The following PTPN3 variants were observed in gnomAD, a reference collection of about 807,000 sequenced individuals.
PTPN3 encodes the protein protein tyrosine phosphatase non-receptor type 3.
PTPN3 carries 96 observed loss-of-function variants against 132.7 expected under a neutral mutation model. That is an observed-to-expected ratio of 0.72 (90% CI 0.61 to 0.86). The LOEUF is 0.86. Among genes scored for constraint, PTPN3 ranks in the 40% least tolerant of loss-of-function variants. The probability of loss-of-function intolerance (pLI) is 0.00; values close to 1 mark genes in which losing one functional copy is unlikely to be tolerated. For missense variants in PTPN3, 1,125 were observed against 1,159.6 expected (o/e 0.97, Z 0.43); for synonymous variants, 398 against 429.0 (o/e 0.93, Z 0.89).
chr9:109,456,411 C>A (rs1344154117), intron 4 of PTPN3, among the ~76,000 whole-genome samples: 1 of 152,166 alleles, frequency 6.6e-6, no homozygotes, highest in African/African-American at 2.4e-5. Context: ...GTCGAGGGAG[C>A]CACCCACAGT....
chr9:109,429,170 C>G, intron 10 of PTPN3: 1 of 495,798 alleles, frequency 2.0e-6, no homozygotes, highest in Non-Finnish European at 2.6e-6. Context: ...TAGGCTGCTA[C>G]TAAGAGCTTT....
chr9:109,426,123 A>C (rs947987746), intron 12 of PTPN3, among the ~76,000 whole-genome samples: 3 of 151,098 alleles, frequency 2.0e-5, no homozygotes, highest in Non-Finnish European at 4.4e-5. Context: ...AAAGAAAACA[A>C]AAATACAAAC....
intron 19 of PTPN3, among the ~76,000 whole-genome samples, chr9:109,401,636 G>A (rs1200120886): frequency 6.6e-6 from 1 of 152,150 alleles, no homozygotes. Context: ...AGCCCACAGC[G>A]CCTCCTTGTG....
At chr9:109,517,708 G>A in the PTPN3 span, among the ~76,000 whole-genome samples, 1 of 152,304 alleles carries the variant, frequency 6.6e-6, no homozygotes, top group South Asian at 2.1e-4. Flanking sequence ...ATAATTTGGG[G>A]AAAGCCTCTG....
In PTPN3 at chr9:109,498,238, G is replaced by C. The variant is rs962423754; in HGVS notation, c.-37C>G. The C allele has an allele frequency of 6.8e-6, 1 of 146,458 alleles. No homozygotes were observed. The highest frequency in any genetic ancestry group is 2.4e-5 in the African/African-American group (1 of 40,846). 9.1% of individuals were successfully genotyped at this position (146,458 alleles called of 1,614,324 possible). On this transcript the variant is annotated 5_prime_UTR_variant, in exon 1 of 26. Coordinates refer to ENST00000374541, the MANE Select transcript of PTPN3 (RefSeq NM_002829.4). This position sits in a 1 kb window ranked among gnomAD's most constrained non-coding sequence, Gnocchi z 4.2. ...CCGTACCTGCAGCATCCGGGGGCGC[G>C]GAGCGCCCAGGTAGGTCGCGCGTGC... is the stretch of plus-strand genomic sequence containing the variant.
At chr9:109,470,077 A>C (rs1295679395) in intron 1 of PTPN3, among the ~76,000 whole-genome samples, 7 of 151,900 alleles carry the variant, frequency 4.6e-5, no homozygotes, top group Non-Finnish European at 2.9e-5. Flanking sequence ...TCTGAGCTCC[A>C]ACAGATGACC....
chr9:109,415,081 T>TCCAA (rs1842386873), intron 14 of PTPN3, among the ~76,000 whole-genome samples: 1 of 57,620 alleles, frequency 1.7e-5, no homozygotes, highest in Non-Finnish European at 4.3e-5. Flanking sequence ...CATCCAACCA[T>TCCAA]CCATCCATCC....
At chr9:109,485,837 G>T (rs996533430) in intron 1 of PTPN3, among the ~76,000 whole-genome samples, 5 of 152,178 alleles carry the variant, frequency 3.3e-5, no homozygotes, top group South Asian at 2.1e-4. Flanking sequence ...ATCCACCCCC[G>T]ACTCCCATAC....
chr9:109,408,420 T>C, intron 16 of PTPN3, 43 bp from the exon 17 acceptor site: 1 of 1,078,136 alleles, frequency 9.3e-7, no homozygotes, highest in Non-Finnish European at 1.3e-6. Flanking sequence ...GTTTTTTAAG[T>C]TAAACAAACA....
At chr9:109,511,999 T>C in the PTPN3 span, among the ~76,000 whole-genome samples, 6 of 152,168 alleles carry the variant, frequency 3.9e-5, no homozygotes, top group African/African-American at 1.4e-4. Context: ...CTTGGGAGTT[T>C]GTTTAAAATA....
chr9:109,452,072 A>T (rs1433805085), intron 5 of PTPN3, among the ~76,000 whole-genome samples: 1 of 152,120 alleles, frequency 6.6e-6, no homozygotes, highest in Non-Finnish European at 1.5e-5. Flanking sequence ...GATCGAGACC[A>T]TCCTGGCCAA....
chr9:109,476,652 T>C (rs1023926469), intron 1 of PTPN3, among the ~76,000 whole-genome samples: 2 of 152,160 alleles, frequency 1.3e-5, no homozygotes, highest in Admixed American at 6.5e-5. Flanking sequence ...TTTGAAGGAA[T>C]AGCCAGACCT....
chr9:109,457,479 A>G, intron 2 of PTPN3, 80 bp from the exon 3 acceptor site: 1 of 1,134,958 alleles, frequency 8.8e-7, no homozygotes. Flanking sequence ...GGCAAAAAAG[A>G]GTTAAAATAT....
At chr9:109,474,412 G>A (rs1846536136) in intron 1 of PTPN3, among the ~76,000 whole-genome samples, 1 of 152,094 alleles carries the variant, frequency 6.6e-6, no homozygotes, top group African/African-American at 2.4e-5. Context: ...CCGTCTCTGC[G>A]CCAGGCCAGG....
At chr9:109,474,460 CAG>C (rs1234145109) in intron 1 of PTPN3, among the ~76,000 whole-genome samples, 2 of 152,236 alleles carry the variant, frequency 1.3e-5, no homozygotes, top group East Asian at 3.9e-4. Context: ...GAGGAAGCCC[CAG>C]GGTGCTGGAG....
intron 5 of PTPN3, chr9:109,450,802 C>T: frequency 6.1e-6 from 6 of 985,458 alleles, no homozygotes; most frequent in Non-Finnish European, 7.2e-6. Flanking sequence ...AATGACCTCT[C>T]TTGTGGGTAC....
rs1838646891 is a variant in PTPN3, at chr9:109,377,369, TAGGCAACACATCAAGATC to T, written c.*2169_*2186del. 1 of 145,530 alleles carries T rather than the reference TAGGCAACACATCAAGATC, an allele frequency of 6.9e-6. No homozygotes were observed. Among genetic ancestry groups the T allele is most frequent in the Non-Finnish European group, 1.5e-5 (1 of 67,780 alleles). 9.0% of individuals were successfully genotyped at this position (145,530 alleles called of 1,614,324 possible). On this transcript the variant is annotated 3_prime_UTR_variant, in exon 26 of 26. Coordinates refer to ENST00000374541, the MANE Select transcript of PTPN3 (RefSeq NM_002829.4). The stretch of plus-strand genomic sequence containing the variant: ...TGAGGCCAGGAGTTTGAGACCAGCC[TAGGCAACACATCAAGATC>T]CTGTCTCTACACACACACACACACA...
At chr9:109,491,680 T>C (rs1588510436) in intron 1 of PTPN3, among the ~76,000 whole-genome samples, 1 of 152,164 alleles carries the variant, frequency 6.6e-6, no homozygotes, top group Non-Finnish European at 1.5e-5. Flanking sequence ...TCTGGTGGCA[T>C]GAACATTTAT....
intron 17 of PTPN3, 120 bp from the exon 18 acceptor site, chr9:109,406,738 CG>C (rs1841601003): frequency 1.6e-6 from 2 of 1,236,434 alleles, no homozygotes; most frequent in South Asian, 2.8e-5. Flanking sequence ...TTCTCTCCCT[CG>C]GGTAGTACTG....
Sources: allele counts gnomAD v4.1 joint callset (sites outside exome capture counted in the v4.1 genomes callset), GRCh38; gene constraint gnomAD v4.1.1; non-coding constraint Gnocchi (gnomAD v3.1); transcripts MANE v1.5; gene names NCBI Gene and HGNC (gene_info 2026-07-23, HGNC 2026-07-21).